The following ALK variants were observed in gnomAD, a reference collection of about 807,000 sequenced individuals.
ALK encodes the protein ALK tyrosine kinase receptor.
ALK carries 74 observed loss-of-function variants against 163.1 expected under a neutral mutation model. The observed-to-expected ratio is 0.45, with a 90% CI of 0.38 to 0.55. ALK has a LOEUF of 0.55. Among genes scored for constraint, ALK ranks in the 20% least tolerant of loss-of-function variants. The pLI, the probability that ALK is intolerant of heterozygous loss-of-function variation, is 0.00. For synonymous variants in ALK, 960 were observed against 843.2 expected, an observed-to-expected ratio of 1.14 and a Z score of -2.40; for missense variants, 2,063 against 2,105.3, an observed-to-expected ratio of 0.98 and a Z score of 0.39.
At chr2:29,544,530 G>T (rs922055858) in intron 3 of ALK, among the ~76,000 whole-genome samples, 1 of 152,090 alleles carries the variant, frequency 6.6e-6, no homozygotes, top group Non-Finnish European at 1.5e-5. Context: ...ATCTATTTCT[G>T]CTGCAAAGAC....
intron 4 of ALK, among the ~76,000 whole-genome samples, chr2:29,511,482 T>G (rs1280544211): frequency 3.9e-5 from 6 of 152,212 alleles, no homozygotes; most frequent in Non-Finnish European, 8.8e-5. Flanking sequence ...TTTATTTATT[T>G]TTATTGTTGG....
intron 1 of ALK, among the ~76,000 whole-genome samples, chr2:29,794,211 A>G (rs1664251961): frequency 1.3e-5 from 2 of 152,130 alleles, no homozygotes; most frequent in Non-Finnish European, 2.9e-5. Context: ...CTCGTGAACC[A>G]ACCTCTGCTA....
intron 23 of ALK, among the ~76,000 whole-genome samples, chr2:29,215,986 T>C (rs916118097): frequency 6.6e-6 from 1 of 152,156 alleles, no homozygotes; most frequent in African/African-American, 2.4e-5. Flanking sequence ...GGTTTCCACA[T>C]GGGAGACCAG....
At chr2:29,384,458 A>G (rs79921456) in intron 4 of ALK, among the ~76,000 whole-genome samples, 1,854 of 152,290 alleles carry the variant, frequency 0.012, 48 homozygotes, top group African/African-American at 0.042. Flanking sequence ...GCCAACAGAA[A>G]AAGATGGAAG....
At position 29,754,691 on chromosome 2, in the gene ALK, A is replaced by AAAT. The variant is rs538943293; in HGVS notation, c.668-36997_668-36995dup. 5.1e-3 allele frequency among the ~76,000 whole-genome samples: 779 copies of AAAT among 151,608 alleles called. 4 individuals carry two copies. The highest frequency in any genetic ancestry group is 0.016 in the African/African-American group (648 of 41,294). On this transcript the variant is annotated intron_variant, in intron 1 of 28. Transcript: ENST00000389048. Reference sequence around the variant, plus strand: ...GGTGACAGAGCAAGACCCTGTCTCAAAATAATAATAATAATAATAATAAAG... The same window carrying AAAT: ...GGTGACAGAGCAAGACCCTGTCTCAAAATAATAATAATAATAATAATAATAAAG...
chr2:29,228,253 G>A (rs1388480113), intron 16 of ALK, among the ~76,000 whole-genome samples: 3 of 152,302 alleles, frequency 2.0e-5, no homozygotes, highest in Non-Finnish European at 4.4e-5. Context: ...ACACAGACAC[G>A]AACACCACAG....
At chr2:29,395,084 C>A (rs1669271316) in intron 4 of ALK, among the ~76,000 whole-genome samples, 1 of 152,112 alleles carries the variant, frequency 6.6e-6, no homozygotes, top group Non-Finnish European at 1.5e-5. Flanking sequence ...TCCTCCCTGC[C>A]CATGCTCAAA....
Position 29,222,503 on chromosome 2 carries a change from G to A in ALK, c.3450+14C>T, listed in dbSNP as rs2148169060. ...GCAAGCCAAGGGCAGGCTCAAGAGT[G>A]AGCCACTTCTTACCTTCACAGCCAC... On this transcript the variant is annotated intron_variant, in intron 21 of 28. Transcript: ENST00000389048. 6.2e-7 allele frequency: 1 copy of A among 1,614,110 alleles called. No homozygotes were observed. Among genetic ancestry groups the A allele is most frequent in the Non-Finnish European group, 8.5e-7 (1 of 1,179,974 alleles).
intron 3 of ALK, among the ~76,000 whole-genome samples, chr2:29,635,979 G>T (rs564244478): frequency 6.6e-6 from 1 of 151,918 alleles, no homozygotes; most frequent in South Asian, 2.1e-4. Context: ...TTGTTACAGC[G>T]GCCACACGAA....
intron 6 of ALK, among the ~76,000 whole-genome samples, chr2:29,328,051 A>G (rs1667325754): frequency 6.6e-6 from 1 of 152,190 alleles, no homozygotes; most frequent in African/African-American, 2.4e-5. Flanking sequence ...AGGACTTCCA[A>G]TGTCACATTA....
In ALK at chr2:29,193,396, GCAGT is replaced by G; in HGVS notation, c.4687_4690del (p.Thr1563ProfsTer3). 1 of 1,614,184 alleles carries G rather than the reference GCAGT, an allele frequency of 6.2e-7. No homozygotes were observed. Among genetic ancestry groups the G allele is most frequent in the Non-Finnish European group, 8.5e-7 (1 of 1,180,028 alleles). ...GAACAGAGGTACCTCCTTCATATTG[GCAGT>G]CAGCGAAGAGGGCTCTAGGAGCAGT... On this transcript the variant is annotated frameshift_variant, in exon 29 of 29. Transcript: ENST00000389048. LOFTEE classifies it high-confidence loss of function.
chr2:29,901,652 C>T (rs1414008220), intron 1 of ALK, among the ~76,000 whole-genome samples: 1 of 152,184 alleles, frequency 6.6e-6, no homozygotes, highest in Non-Finnish European at 1.5e-5. Flanking sequence ...AACAACAGGG[C>T]TGTCCAGGGA....
intron 23 of ALK, among the ~76,000 whole-genome samples, chr2:29,216,844 A>G (rs11683118): frequency 0.4 from 57,864 of 146,448 alleles, 12,850 homozygotes; most frequent in Non-Finnish European, 0.51. Context: ...TGTGCAGTAT[A>G]TATGGTGTGT....
intron 4 of ALK, among the ~76,000 whole-genome samples, chr2:29,390,091 G>T (rs1388140429): frequency 6.6e-6 from 1 of 152,146 alleles, no homozygotes; most frequent in African/African-American, 2.4e-5. Flanking sequence ...TAAAATGCAG[G>T]TTGGCATGCC....
At chr2:29,416,536 T>C (rs1204897892) in intron 4 of ALK, among the ~76,000 whole-genome samples, 2 of 152,202 alleles carry the variant, frequency 1.3e-5, no homozygotes, top group East Asian at 3.8e-4. Context: ...ACAGAAGATG[T>C]TTCCATAAAA....
intron 1 of ALK, among the ~76,000 whole-genome samples, chr2:29,726,253 C>A (rs1015025561): frequency 1.3e-5 from 2 of 152,130 alleles, no homozygotes; most frequent in Non-Finnish European, 2.9e-5. Flanking sequence ...GTACTCTGCT[C>A]TTTATGAAAT....
chr2:29,573,799 C>T (rs1438318058), intron 3 of ALK, among the ~76,000 whole-genome samples: 1 of 152,104 alleles, frequency 6.6e-6, no homozygotes, highest in Non-Finnish European at 1.5e-5. Context: ...TGACTACACT[C>T]ACAGGAAGGA....
At chr2:29,809,954 A>G (rs1664711587) in intron 1 of ALK, among the ~76,000 whole-genome samples, 1 of 152,232 alleles carries the variant, frequency 6.6e-6, no homozygotes, top group African/African-American at 2.4e-5. Flanking sequence ...AGAGTTTGAC[A>G]AGTCCATGGA....
At chr2:29,581,745 A>G (rs2148198836) in intron 3 of ALK, among the ~76,000 whole-genome samples, 1 of 152,214 alleles carries the variant, frequency 6.6e-6, no homozygotes, top group East Asian at 1.9e-4. Flanking sequence ...TGGATCCCCA[A>G]AACAGGAAGG....
Sources: gnomAD v4.1 joint callset for allele counts (sites outside exome capture counted in the v4.1 genomes callset) on GRCh38, gnomAD v4.1.1 for gene constraint, MANE v1.5 for transcripts, NCBI Gene and HGNC (gene_info 2026-07-23, HGNC 2026-07-21) for gene names.